GPATCH2L: variants seen among roughly 807,000 people sequenced by gnomAD.
The protein encoded by GPATCH2L is G patch domain-containing protein 2-like.
A neutral mutation model predicts 57.4 loss-of-function variants in GPATCH2L; 31 were observed. That is an observed-to-expected ratio of 0.54 (90% CI 0.41 to 0.73). GPATCH2L has a LOEUF of 0.73. Ranked by LOEUF, GPATCH2L falls within the 30% of genes least tolerant of loss-of-function variation. GPATCH2L has a pLI of 0.00. For missense variants in GPATCH2L, 481 were observed against 599.9 expected (o/e 0.80, Z 2.07); for synonymous variants, 199 against 210.7 (o/e 0.94, Z 0.48).
chr14:76,192,806 C>G (rs2040022435), intron 8 of GPATCH2L, among the ~76,000 whole-genome samples: 1 of 152,132 alleles, frequency 6.6e-6, no homozygotes, highest in Admixed American at 6.6e-5. Flanking sequence ...TAACAAGTTT[C>G]TTTACTTGAT....
chr14:76,231,622 T>C (rs61979259), intron 2 of GPATCH2L, among the ~76,000 whole-genome samples: 132 of 147,472 alleles, frequency 9.0e-4, no homozygotes, highest in Middle Eastern at 3.4e-3. Context: ...ACTAAACACA[T>C]ACACACACAC....
chr14:76,226,553 T>C (rs541060427), intron 1 of GPATCH2L, among the ~76,000 whole-genome samples: 139 of 152,320 alleles, frequency 9.1e-4, no homozygotes, highest in African/African-American at 3.2e-3. Context: ...CTCCAAAATG[T>C]GTGTGTTGGA....
chr14:76,214,216 T>A lies in GPATCH2L; in HGVS notation c.*12365T>A, dbSNP rs8799. The A allele has an allele frequency of 4.4e-3, 672 of 152,326 alleles. 4 individuals carry two copies. The highest frequency in any genetic ancestry group is 0.015 in the African/African-American group (629 of 41,576). 9.4% of individuals were successfully genotyped at this position (152,326 alleles called of 1,614,324 possible). ...AATGTGGTGTCATCCTATCCAAGAATAGGAGATGTATTTCCATTTATTCAA... is the reference window on the plus strand; with the variant it reads ...AATGTGGTGTCATCCTATCCAAGAAAAGGAGATGTATTTCCATTTATTCAA... On this transcript the variant is annotated 3_prime_UTR_variant, in exon 10 of 10. Coordinates refer to ENST00000261530, the MANE Select transcript of GPATCH2L (RefSeq NM_017926.4).
rs1333587293 is a variant in GPATCH2L at position 76,205,724 on chromosome 14, CAG to C, written c.*3876_*3877del. The stretch of plus-strand genomic sequence containing the variant: ...AAGTCACTTGGAATTGAAAAAGATA[CAG>C]AGTGTTGAGACAAAGGAACTAGGCT... On this transcript the variant is annotated 3_prime_UTR_variant, in exon 10 of 10. Transcript: ENST00000261530. The C allele has an allele frequency of 6.6e-6, 1 of 152,242 alleles. No individual in the cohort carries two copies. The highest frequency in any genetic ancestry group is 2.4e-5 in the African/African-American group (1 of 41,444). 9.4% of individuals were successfully genotyped at this position (152,242 alleles called of 1,614,324 possible). A position where few individuals can be genotyped will look rare whatever the true frequency, so the allele number is the denominator to read the frequency against.
At chr14:76,186,020 G>C (rs531983530) in intron 8 of GPATCH2L, among the ~76,000 whole-genome samples, 1 of 152,030 alleles carries the variant, frequency 6.6e-6, no homozygotes, top group South Asian at 2.1e-4. Flanking sequence ...TTTTAAATTG[G>C]TTGAATGGGG....
chr14:76,185,727 T>C (rs920240605), intron 8 of GPATCH2L, among the ~76,000 whole-genome samples: 2 of 152,226 alleles, frequency 1.3e-5, no homozygotes, highest in African/African-American at 4.8e-5. Context: ...CAGCTTCCTT[T>C]GTAAATAAAC....
chr14:76,154,314 T>TTTTC lies in GPATCH2L; in HGVS notation c.-10-28_-10-25dup. 1 of 1,477,182 alleles carries TTTTC rather than the reference T, an allele frequency of 6.8e-7. No homozygotes were observed. The highest frequency in any genetic ancestry group is 9.1e-7 in the Non-Finnish European group (1 of 1,093,536). 91.5% of individuals were successfully genotyped at this position (1,477,182 alleles called of 1,614,324 possible). ...TTTTCAGGCTTTCTTTTTCTTTTTC[T>TTTTC]TTTCTTTCTTTCTTTTTTTCCTAAA... On this transcript the variant is annotated intron_variant, in intron 1 of 9. Coordinates refer to ENST00000261530, the MANE Select transcript of GPATCH2L (RefSeq NM_017926.4). This position sits in a 1 kb window ranked among gnomAD's most constrained non-coding sequence, Gnocchi z 4.4.
chr14:76,199,956 G>A (rs139072062), intron 9 of GPATCH2L, among the ~76,000 whole-genome samples: 4 of 152,116 alleles, frequency 2.6e-5, no homozygotes, highest in South Asian at 2.1e-4. Flanking sequence ...ACAATTTGCC[G>A]TATATATACA....
chr14:76,184,433 A>G (rs903809756), intron 8 of GPATCH2L, among the ~76,000 whole-genome samples: 1 of 143,554 alleles, frequency 7.0e-6, no homozygotes, highest in Non-Finnish European at 1.5e-5. Flanking sequence ...AGCAAGAGCA[A>G]GGGCTTTTCA....
chr14:76,182,343 C>T lies in GPATCH2L; in HGVS notation c.1193+1494C>T, dbSNP rs141968656. 5.6e-3 allele frequency among the ~76,000 whole-genome samples: 621 copies of T among 111,854 alleles called. 4 individuals carry two copies. The highest frequency in any genetic ancestry group is 0.02 in the African/African-American group (578 of 28,690). 73.4% of individuals were successfully genotyped at this position (111,854 alleles called of 152,430 possible). A position where few individuals can be genotyped will look rare whatever the true frequency, so the allele number is the denominator to read the frequency against. ...CTGCACTCCAGCCTGGGGGACAGAG[C>T]GAGACCCCGTCTCAGAAAAGAAAAA... On this transcript the variant is annotated intron_variant, in intron 8 of 9. Transcript: ENST00000261530.
downstream of GPATCH2L, among the ~76,000 whole-genome samples, chr14:76,217,944 AATGGTGCCAGGATTTGAACCCAGTCAGAC>A (rs774631752): frequency 3.8e-4 from 58 of 152,334 alleles, no homozygotes; most frequent in Admixed American, 6.5e-4. Flanking sequence ...GCTAAGAAGT[AATGGTGCCAGGATTTGAACCCAGTCAGAC>A]TGGCTCTAGA....
At chr14:76,181,973 A>G (rs913982894) in intron 8 of GPATCH2L, among the ~76,000 whole-genome samples, 1 of 152,244 alleles carries the variant, frequency 6.6e-6, no homozygotes, top group Non-Finnish European at 1.5e-5. Flanking sequence ...ATTTTGCACC[A>G]TAACCTACTG....
chr14:76,180,332 T>G (rs916852992), intron 7 of GPATCH2L, among the ~76,000 whole-genome samples: 10 of 152,360 alleles, frequency 6.6e-5, no homozygotes, highest in African/African-American at 2.2e-4. Flanking sequence ...TCCACAATAC[T>G]ATGCTGCTGT....
chr14:76,198,883 A>G (rs368122884), intron 9 of GPATCH2L, among the ~76,000 whole-genome samples: 1 of 152,218 alleles, frequency 6.6e-6, no homozygotes, highest in African/African-American at 2.4e-5. Flanking sequence ...TGTAAGAATA[A>G]ATTAATAGAA....
intron 8 of GPATCH2L, among the ~76,000 whole-genome samples, chr14:76,184,641 G>C (rs1453359078): frequency 6.6e-6 from 1 of 152,136 alleles, no homozygotes; most frequent in African/African-American, 2.4e-5. Context: ...CAGATGACAG[G>C]TGCAGTGGAT....
chr14:76,170,731 G>C (rs2039046486), intron 3 of GPATCH2L: 1 of 152,148 alleles, frequency 6.6e-6, no homozygotes, highest in Admixed American at 6.5e-5. Context: ...CTCAGGTATA[G>C]CTAGCTTTGA....
At chr14:76,233,336 G>A (rs2040583267) in intron 2 of GPATCH2L, among the ~76,000 whole-genome samples, 1 of 152,176 alleles carries the variant, frequency 6.6e-6, no homozygotes, top group Non-Finnish European at 1.5e-5. Context: ...AATGGGCATT[G>A]TCATTTTTAA....
chr14:76,166,811 T>C (rs2038863171), intron 3 of GPATCH2L, 84 bp downstream of exon 3: 1 of 957,120 alleles, frequency 1.0e-6, no homozygotes, highest in Non-Finnish European at 1.7e-6. Context: ...ATGGAGAATA[T>C]GGTGACTGTC....
chr14:76,165,957 T>A (rs2038815800), intron 2 of GPATCH2L, among the ~76,000 whole-genome samples: 1 of 152,228 alleles, frequency 6.6e-6, no homozygotes, highest in African/African-American at 2.4e-5. Context: ...GAAGTTTTTC[T>A]TGAACCAGAT....
Sources: allele counts gnomAD v4.1 joint callset (sites outside exome capture counted in the v4.1 genomes callset), GRCh38; gene constraint gnomAD v4.1.1; non-coding constraint Gnocchi (gnomAD v3.1); transcripts MANE v1.5; gene names NCBI Gene and HGNC (gene_info 2026-07-23, HGNC 2026-07-21).